The following HPS4 variants were observed in gnomAD, a reference collection of about 807,000 sequenced individuals.
HPS4 encodes the protein BLOC-3 complex member HPS4.
A neutral mutation model predicts 70.3 loss-of-function variants in HPS4; 44 were observed. That is an observed-to-expected ratio of 0.63 (90% CI 0.49 to 0.80). HPS4 has a LOEUF of 0.80. HPS4 is among the 30% of genes least tolerant of loss of function. The pLI is 0.00. For missense variants in HPS4, 873 were observed against 884.4 expected (o/e 0.99, Z 0.16); for synonymous variants, 377 against 355.9 (o/e 1.06, Z -0.67).
At chr22:26,453,856 G>A (rs920063625) in intron 13 of HPS4, 12 of 245,908 alleles carry the variant, frequency 4.9e-5, no homozygotes, top group East Asian at 4.3e-4. Context: ...CCTCTATGAC[G>A]AGGCAATGGC....
At chr22:26,459,263 A>G (rs2086798800) in intron 11 of HPS4, among the ~76,000 whole-genome samples, 1 of 152,256 alleles carries the variant, frequency 6.6e-6, no homozygotes, top group South Asian at 2.1e-4. Context: ...GAAGAGGAAT[A>G]CAGTTGAGGA....
intron 13 of HPS4, among the ~76,000 whole-genome samples, chr22:26,457,210 CT>C (rs1555889771): frequency 0.23 from 5,847 of 25,520 alleles, 389 homozygotes; most frequent in African/African-American, 0.41. Context: ...GCACGTATTA[CT>C]TTTTTTTTTT....
At chr22:26,469,358 G>A (rs539984432) in intron 7 of HPS4, among the ~76,000 whole-genome samples, 1 of 151,954 alleles carries the variant, frequency 6.6e-6, no homozygotes, top group East Asian at 1.9e-4. Context: ...CTACGTGGGA[G>A]GATCACTTGA....
chr22:26,478,445 A>C (rs1279888596), intron 3 of HPS4, among the ~76,000 whole-genome samples: 2 of 151,626 alleles, frequency 1.3e-5, no homozygotes, highest in African/African-American at 2.4e-5. Context: ...GTAGCGGGCG[A>C]CTGTAGTCCC....
intron 13 of HPS4, among the ~76,000 whole-genome samples, chr22:26,455,743 TAA>T (rs386395105): frequency 3.4e-5 from 5 of 145,386 alleles, no homozygotes; most frequent in African/African-American, 1.0e-4. Flanking sequence ...ATAATAAAAT[TAA>T]AAAAAAAAAG....
chr22:26,469,075 G>A lies in HPS4; in HGVS notation c.597-452C>T, dbSNP rs1194537372. Among the ~76,000 whole-genome samples the A allele has an allele frequency of 2.6e-5, 4 of 151,998 alleles. No individual in the cohort carries two copies. The South Asian group carries it at 6.2e-4, about 24-fold the overall frequency. On this transcript the variant is annotated intron_variant, in intron 7 of 13. Transcript: ENST00000398145. ...GCAAAAATAAACAAAAGCAATATATGCATACATGTACCAGTGGGGACAAAC... is the reference window on the plus strand; with the variant it reads ...GCAAAAATAAACAAAAGCAATATATACATACATGTACCAGTGGGGACAAAC...
At position 26,482,063 on chromosome 22, in the gene HPS4, T is replaced by C; in HGVS notation, c.-301A>G. ...ATCCATTCCTCTGGTTTCCTAAGTA[T>C]CACTGTGGCTGTCTGCAGAACCACC... On this transcript the variant is annotated 5_prime_UTR_variant, in exon 2 of 14. It removes the in-frame stop codon of an upstream open reading frame in the 5' UTR. Coordinates refer to ENST00000398145, the MANE Select transcript of HPS4 (RefSeq NM_022081.6). 2.5e-6 allele frequency: 1 copy of C among 399,512 alleles called. No homozygotes were observed. 24.7% of individuals were successfully genotyped at this position (399,512 alleles called of 1,614,324 possible).
Position 26,465,975 on chromosome 22 carries a change from G to A in HPS4, c.706+251C>T, listed in dbSNP as rs139559595. On this transcript the variant is annotated intron_variant, in intron 9 of 13. Coordinates refer to ENST00000398145, the MANE Select transcript of HPS4 (RefSeq NM_022081.6). Reference sequence around the variant, plus strand: ...AATCACAATCTCCTGGCACTTGACCGAGCAGTCTCACAATATGAAGTTAAG... The same window carrying A: ...AATCACAATCTCCTGGCACTTGACCAAGCAGTCTCACAATATGAAGTTAAG... The A allele has an allele frequency of 2.6e-4, 326 of 1,232,794 alleles. 3 individuals are homozygous for A. In the East Asian group the frequency reaches 8.1e-3, roughly 31 times the overall value. 76.4% of individuals were successfully genotyped at this position (1,232,794 alleles called of 1,614,324 possible).
At chr22:26,479,494 AC>A in intron 2 of HPS4, 139 bp from the exon 3 acceptor site, 17 of 1,470,166 alleles carry the variant, frequency 1.2e-5, no homozygotes, top group Non-Finnish European at 1.5e-5. Context: ...AGAATAAAGA[AC>A]CCCAGTAGCT....
chr22:26,448,978 C>T (rs891926056), downstream of HPS4, among the ~76,000 whole-genome samples: 2 of 152,170 alleles, frequency 1.3e-5, no homozygotes, highest in Admixed American at 1.3e-4. Flanking sequence ...CTGCCCTTTT[C>T]CCAGGAGCAG....
At chr22:26,472,491 C>T in intron 5 of HPS4, 73 bp from the exon 6 acceptor site, 3 of 986,728 alleles carry the variant, frequency 3.0e-6, no homozygotes, top group South Asian at 1.3e-5. Flanking sequence ...GTCCCAACTA[C>T]CTCAAAAATT....
At position 26,458,823 on chromosome 22, in the gene HPS4, A is replaced by G. The variant is rs866189694; in HGVS notation, c.1714-246T>C. Reference sequence around the variant, plus strand: ...GTGATAGAGTGAGACTCTGTCTCGAAAAAAAAAAAAAAAAATCATTCATGG... The same window carrying G: ...GTGATAGAGTGAGACTCTGTCTCGAGAAAAAAAAAAAAAAATCATTCATGG... On this transcript the variant is annotated intron_variant, in intron 11 of 13. Transcript: ENST00000398145. Among the ~76,000 whole-genome samples the G allele has an allele frequency of 2.3e-3, 340 of 147,602 alleles. 4 individuals carry two copies. Among genetic ancestry groups the G allele is most frequent in the Non-Finnish European group, 2.9e-3 (191 of 66,256 alleles).
At chr22:26,476,199 G>C (rs545581492) in intron 4 of HPS4, 1 of 152,062 alleles carries the variant, frequency 6.6e-6, no homozygotes, top group East Asian at 1.9e-4. Flanking sequence ...AAAAATTTTC[G>C]TAATAAAATG....
chr22:26,470,591 A>G lies in HPS4; in HGVS notation c.596+128T>C, dbSNP rs2089627739. 3.7e-6 allele frequency: 3 copies of G among 821,072 alleles called. No homozygotes were observed. The African/African-American group carries it at 5.1e-5, about 14-fold the overall frequency. 50.9% of individuals were successfully genotyped at this position (821,072 alleles called of 1,614,324 possible). On this transcript the variant is annotated intron_variant, in intron 7 of 13. Coordinates refer to ENST00000398145, the MANE Select transcript of HPS4 (RefSeq NM_022081.6). The stretch of plus-strand genomic sequence containing the variant: ...AACTGAGTCAAATCTAAACTACCTG[A>G]TATTTGCCGAACCAGCCCACTTGGA...
chr22:26,453,863 T>A (rs1441315538), intron 13 of HPS4: 1 of 243,982 alleles, frequency 4.1e-6, no homozygotes, highest in South Asian at 4.8e-5. Context: ...GACGAGGCAA[T>A]GGCAGTGTCC....
Position 26,452,430 on chromosome 22 carries a change from A to G in HPS4, c.*803T>C. On this transcript the variant is annotated 3_prime_UTR_variant, in exon 14 of 14. Transcript: ENST00000398145. ...AAAAGCACAGTGCTTTTACCCCCAG[A>G]CATCTTGTAAACTCCTATTTAGGGA... The G allele has an allele frequency of 2.2e-6, 1 of 450,626 alleles. No homozygotes were observed. The highest frequency in any genetic ancestry group is 4.4e-6 in the Non-Finnish European group (1 of 225,118). 27.9% of individuals were successfully genotyped at this position (450,626 alleles called of 1,614,324 possible).
intron 2 of HPS4, chr22:26,479,618 G>A (rs889733561): frequency 1.8e-5 from 24 of 1,329,312 alleles, no homozygotes; most frequent in South Asian, 5.3e-5. Context: ...AAAAAAAAAC[G>A]AGGCGCCCAC....
intron 7 of HPS4, among the ~76,000 whole-genome samples, chr22:26,470,500 T>C (rs1274583012): frequency 1.3e-5 from 2 of 152,232 alleles, no homozygotes; most frequent in Admixed American, 6.5e-5. Flanking sequence ...TCTTAACTCT[T>C]TTCTGAACAC....
chr22:26,453,522 C>T, intron 13 of HPS4, 118 bp from the exon 14 acceptor site: 2 of 1,041,862 alleles, frequency 1.9e-6, no homozygotes, highest in Non-Finnish European at 3.0e-6. Context: ...GTGGCATGTG[C>T]AGCTGTCATG....
Sources: allele counts gnomAD v4.1 joint callset (sites outside exome capture counted in the v4.1 genomes callset), GRCh38; gene constraint gnomAD v4.1.1; transcripts MANE v1.5; gene names NCBI Gene and HGNC (gene_info 2026-07-23, HGNC 2026-07-21).